IMMP2L: variants seen among roughly 807,000 people sequenced by gnomAD.
IMMP2L encodes the protein inner mitochondrial membrane peptidase subunit 2.
In IMMP2L, 18 loss-of-function variants were observed where a neutral mutation model predicts 19.3. The ratio of observed to expected loss-of-function variants is 0.93; its 90% CI spans 0.64 to 1.38. The LOEUF (loss-of-function observed/expected upper bound fraction) is 1.38. IMMP2L is among the 40% of genes most tolerant of loss of function. The probability of loss-of-function intolerance (pLI) is 0.00; values close to 1 mark genes in which losing one functional copy is unlikely to be tolerated. For synonymous variants in IMMP2L, 76 were observed against 73.0 expected (o/e 1.04, Z -0.21); for missense variants, 233 against 218.2 (o/e 1.07, Z -0.43).
intron 4 of IMMP2L, among the ~76,000 whole-genome samples, chr7:110,903,683 T>C (rs1410299862): frequency 6.6e-6 from 1 of 152,210 alleles, no homozygotes; most frequent in African/African-American, 2.4e-5. Flanking sequence ...TGTTTCTATA[T>C]GCTGTCTGAT....
At chr7:111,232,939 C>T (rs1813873708) in intron 3 of IMMP2L, among the ~76,000 whole-genome samples, 1 of 152,082 alleles carries the variant, frequency 6.6e-6, no homozygotes, top group African/African-American at 2.4e-5. Flanking sequence ...CCTCAGGCAG[C>T]ATTAATACTG....
At chr7:111,122,751 A>G in intron 3 of IMMP2L, 1 of 1,593,032 alleles carries the variant, frequency 6.3e-7, no homozygotes, top group Non-Finnish European at 8.6e-7. Context: ...GGCCCATTAC[A>G]TTTCTGAAGA....
chr7:111,197,070 T>C (rs1451450398), intron 3 of IMMP2L, among the ~76,000 whole-genome samples: 1 of 152,194 alleles, frequency 6.6e-6, no homozygotes, highest in Non-Finnish European at 1.5e-5. Context: ...ATTAATGCTA[T>C]GTTATTTTAC....
chr7:110,942,350 A>C (rs1816820722), intron 4 of IMMP2L, among the ~76,000 whole-genome samples: 1 of 151,948 alleles, frequency 6.6e-6, no homozygotes, highest in African/African-American at 2.4e-5. Flanking sequence ...TGTTTTAAAA[A>C]TTAATAGTAG....
chr7:110,908,712 TTG>T (rs1234649322), intron 4 of IMMP2L, among the ~76,000 whole-genome samples: 1 of 152,242 alleles, frequency 6.6e-6, no homozygotes, highest in Non-Finnish European at 1.5e-5. Flanking sequence ...TTGGTTTCTT[TTG>T]TGTTTTAGAA....
At chr7:111,425,587 T>C (rs1246339228) in intron 3 of IMMP2L, among the ~76,000 whole-genome samples, 1 of 151,096 alleles carries the variant, frequency 6.6e-6, no homozygotes, top group Non-Finnish European at 1.5e-5. Flanking sequence ...AGAAAAGTGA[T>C]AAGATATGAG....
intron 5 of IMMP2L, among the ~76,000 whole-genome samples, chr7:110,705,353 C>G (rs1206152440): frequency 6.6e-6 from 1 of 152,132 alleles, no homozygotes; most frequent in African/African-American, 2.4e-5. Flanking sequence ...CAATGTGCAA[C>G]TTTAAATGTA....
At chr7:111,494,985 AG>A (rs1843457292) in intron 2 of IMMP2L, among the ~76,000 whole-genome samples, 1 of 152,150 alleles carries the variant, frequency 6.6e-6, no homozygotes, top group Non-Finnish European at 1.5e-5. Flanking sequence ...AAGTAAAGTT[AG>A]GATGCTTTTA....
intron 4 of IMMP2L, among the ~76,000 whole-genome samples, chr7:110,925,365 C>CA (rs1196853152): frequency 6.6e-6 from 1 of 152,082 alleles, no homozygotes; most frequent in Non-Finnish European, 1.5e-5. Flanking sequence ...ACAAACACTT[C>CA]AAAGAACCTA....
Position 110,757,321 on chromosome 7 carries a change from A to AT in IMMP2L, c.409-93601dup, listed in dbSNP as rs35841375. On this transcript the variant is annotated intron_variant, in intron 5 of 5. Transcript: ENST00000405709. This position sits in a 1 kb window ranked among gnomAD's most constrained non-coding sequence, Gnocchi z 4.2. ...CACCATCACCATCTAGAGCTTAATAATTTTTTAACAAGCTATTCTGCATTT... is the reference window on the plus strand; with the variant it reads ...CACCATCACCATCTAGAGCTTAATAATTTTTTTAACAAGCTATTCTGCATTT... 0.91 allele frequency among the ~76,000 whole-genome samples: 138,328 copies of AT among 151,830 alleles called. 63,558 individuals carry two copies. Among genetic ancestry groups the AT allele is most frequent in the Non-Finnish European group, 0.97 (65,639 of 67,932 alleles).
At chr7:110,958,975 C>T (rs984681569) in intron 4 of IMMP2L, among the ~76,000 whole-genome samples, 1 of 151,910 alleles carries the variant, frequency 6.6e-6, no homozygotes, top group Admixed American at 6.6e-5. Flanking sequence ...CTCCTACTGC[C>T]CTACTTCCCC....
At chr7:111,095,075 CATA>C (rs1797265439) in intron 3 of IMMP2L, among the ~76,000 whole-genome samples, 1 of 151,706 alleles carries the variant, frequency 6.6e-6, no homozygotes, top group African/African-American at 2.4e-5. Context: ...ATCTTTAGGC[CATA>C]ATAAGGGAAG....
At chr7:111,264,946 C>A (rs561791110) in intron 3 of IMMP2L, among the ~76,000 whole-genome samples, 16 of 152,218 alleles carry the variant, frequency 1.1e-4, no homozygotes, top group Non-Finnish European at 1.9e-4. Context: ...TTGTTACCTT[C>A]ATCTTTACCT....
chr7:110,914,045 T>C (rs774324543), intron 4 of IMMP2L, among the ~76,000 whole-genome samples: 3 of 152,114 alleles, frequency 2.0e-5, no homozygotes, highest in Admixed American at 1.3e-4. Context: ...ACCAGCAAAA[T>C]GTCTTGAGCA....
chr7:111,121,416 C>T (rs368312336), intron 3 of IMMP2L, among the ~76,000 whole-genome samples: 1 of 151,962 alleles, frequency 6.6e-6, no homozygotes, highest in Non-Finnish European at 1.5e-5. Flanking sequence ...GTGTTTTAGA[C>T]ATGGATATGA....
chr7:110,847,574 A>C (rs1563021559), intron 5 of IMMP2L, among the ~76,000 whole-genome samples: 2 of 152,184 alleles, frequency 1.3e-5, no homozygotes, highest in South Asian at 2.1e-4. Context: ...CTGATTCTAA[A>C]GTGTACCTGG....
intron 5 of IMMP2L, among the ~76,000 whole-genome samples, chr7:110,815,664 G>A (rs1481417518): frequency 6.6e-6 from 1 of 152,104 alleles, no homozygotes; most frequent in Non-Finnish European, 1.5e-5. Flanking sequence ...GGTCTATTCA[G>A]AGATTCAACT....
At chr7:110,730,768 A>G (rs994232975) in intron 5 of IMMP2L, among the ~76,000 whole-genome samples, 26 of 150,718 alleles carry the variant, frequency 1.7e-4, no homozygotes, top group African/African-American at 5.4e-4. Context: ...CTCGTGATCC[A>G]CCCGCCTCAG....
intron 3 of IMMP2L, among the ~76,000 whole-genome samples, chr7:111,374,973 C>G (rs1437032380): frequency 1.3e-5 from 2 of 152,014 alleles, no homozygotes; most frequent in East Asian, 3.9e-4. Context: ...ATCAAGAAGA[C>G]TTGAATATTT....
Sources: gnomAD v4.1 joint callset for allele counts (sites outside exome capture counted in the v4.1 genomes callset) on GRCh38, gnomAD v4.1.1 for gene constraint, Gnocchi (gnomAD v3.1) non-coding constraint, MANE v1.5 for transcripts, NCBI Gene and HGNC (gene_info 2026-07-23, HGNC 2026-07-21) for gene names.